NMBR: variants seen among roughly 807,000 people sequenced by gnomAD.
NMBR encodes neuromedin-B receptor.
In NMBR, 16 loss-of-function variants were observed where a neutral mutation model predicts 20.5. The ratio of observed to expected loss-of-function variants is 0.78; its 90% CI spans 0.53 to 1.19. The LOEUF (loss-of-function observed/expected upper bound fraction) is 1.19. Among genes scored for constraint, NMBR ranks in the 50% most tolerant of loss-of-function variants. The probability of loss-of-function intolerance (pLI) is 0.00; values close to 1 mark genes in which losing one functional copy is unlikely to be tolerated. For synonymous variants in NMBR, 212 were observed against 196.6 expected, an observed-to-expected ratio of 1.08 and a Z score of -0.65; for missense variants, 582 against 499.1, an observed-to-expected ratio of 1.17 and a Z score of -1.58.
intron 1 of NMBR, among the ~76,000 whole-genome samples, chr6:142,142,624 C>T (rs989220248): frequency 6.6e-6 from 1 of 151,682 alleles, no homozygotes; most frequent in Non-Finnish European, 1.5e-5. Context: ...TTGTGTTTAA[C>T]GTTGAACTGG....
chr6:142,122,959 A>G (rs1188060873), intron 1 of NMBR, among the ~76,000 whole-genome samples: 1 of 151,984 alleles, frequency 6.6e-6, no homozygotes, highest in African/African-American at 2.4e-5. Flanking sequence ...TCTGTTCTGC[A>G]GCCAATGGGA....
rs554728562 is a variant in NMBR, at chr6:142,076,625, A to T, written c.772-576T>A. 1.5e-4 allele frequency among the ~76,000 whole-genome samples: 23 copies of T among 152,334 alleles called. No homozygotes were observed. The South Asian group carries it at 4.8e-3, about 32-fold the overall frequency. On this transcript the variant is annotated intron_variant, in intron 3 of 3. Coordinates refer to ENST00000258042, the MANE Select transcript of NMBR (RefSeq NM_002511.4). Reference sequence around the variant, plus strand: ...TATTGTCACATTCACAAATAAAAATAAATTTTCCTTCTCCATAAAATTTAC... The same window carrying T: ...TATTGTCACATTCACAAATAAAAATTAATTTTCCTTCTCCATAAAATTTAC...
intron 3 of NMBR, among the ~76,000 whole-genome samples, chr6:142,076,683 A>G (rs748052578): frequency 5.3e-5 from 8 of 152,196 alleles, no homozygotes; most frequent in African/African-American, 7.2e-5. Context: ...GAGGGTATTC[A>G]AGAGTGTAAT....
chr6:142,097,434 A>G (rs935208086), intron 1 of NMBR, among the ~76,000 whole-genome samples: 6 of 152,090 alleles, frequency 3.9e-5, no homozygotes, highest in Admixed American at 3.9e-4. Context: ...AAATATCATA[A>G]GTGGAAAATG....
In NMBR at chr6:142,075,819, A is replaced by G. The variant is rs201703637; in HGVS notation, c.1002T>C (p.His334=). The change falls in exon 4 of 4, where the codon CAT becomes CAC. Residue 334 remains histidine (H), a synonymous_variant. Coordinates refer to ENST00000258042, the MANE Select transcript of NMBR (RefSeq NM_002511.4). ...TCCCACAGCAGAGTTGGCTGTTGAA[A>G]TGCCTCCTGAAGCTTTCACTGAGTA... ...LYLLSESFRR[H]FNSQLCCGRK... is the part of the protein sequence containing the mutation. The G allele has an allele frequency of 8.7e-6, 14 of 1,614,106 alleles. No individual in the cohort carries two copies. Among genetic ancestry groups the G allele is most frequent in the Non-Finnish European group, 1.2e-5 (14 of 1,179,972 alleles).
intron 1 of NMBR, among the ~76,000 whole-genome samples, chr6:142,105,074 G>A (rs1301102021): frequency 1.3e-5 from 2 of 151,720 alleles, no homozygotes; most frequent in African/African-American, 4.8e-5. Flanking sequence ...CTCAAGGGTG[G>A]AGGGTGTACT....
chr6:142,123,582 C>A (rs897009190), intron 1 of NMBR, among the ~76,000 whole-genome samples: 2 of 151,898 alleles, frequency 1.3e-5, no homozygotes, highest in Non-Finnish European at 2.9e-5. Context: ...ACTTCATTGT[C>A]TTATACTAAG....
At chr6:142,146,537 CCAAA>C (rs1379564291) in intron 1 of NMBR, among the ~76,000 whole-genome samples, 1 of 151,870 alleles carries the variant, frequency 6.6e-6, no homozygotes, top group Non-Finnish European at 1.5e-5. Flanking sequence ...TGAAAACGTC[CCAAA>C]CACCCTATCT....
At chr6:142,099,269 A>C (rs185162494) in intron 1 of NMBR, among the ~76,000 whole-genome samples, 68 of 152,322 alleles carry the variant, frequency 4.5e-4, no homozygotes, top group African/African-American at 1.6e-3. Context: ...TCACACTGCT[A>C]TAAAGAACTA....
At chr6:142,118,849 T>C (rs942785590) in intron 1 of NMBR, among the ~76,000 whole-genome samples, 5 of 151,958 alleles carry the variant, frequency 3.3e-5, no homozygotes, top group Non-Finnish European at 7.4e-5. Flanking sequence ...ATTCTCTTAT[T>C]TGTGTGTGTC....
intron 3 of NMBR, among the ~76,000 whole-genome samples, chr6:142,077,498 C>T (rs1776973513): frequency 6.6e-6 from 1 of 152,196 alleles, no homozygotes; most frequent in African/African-American, 2.4e-5. Context: ...CATTGCCTCA[C>T]TGATGCCAAA....
chr6:142,143,307 C>T (rs889650328), intron 1 of NMBR, among the ~76,000 whole-genome samples: 3 of 152,060 alleles, frequency 2.0e-5, no homozygotes, highest in Middle Eastern at 3.2e-3. Context: ...TTTTTTGAGA[C>T]GGAGTCTCGC....
Position 142,075,615 on chromosome 6 carries a change from G to A in NMBR, c.*33C>T, listed in dbSNP as rs1019730532. 18 of 1,558,084 alleles carry A rather than the reference G, an allele frequency of 1.2e-5. No homozygotes were observed. The highest frequency in any genetic ancestry group is 1.4e-5 in the Non-Finnish European group (16 of 1,150,958). On this transcript the variant is annotated 3_prime_UTR_variant, in exon 4 of 4. Coordinates refer to ENST00000258042, the MANE Select transcript of NMBR (RefSeq NM_002511.4). ...GAATAGGAATTTTAACAGTTACTAA[G>A]TTCTCTCCAGGTAGTGAGTTGAATG...
intron 1 of NMBR, among the ~76,000 whole-genome samples, chr6:142,146,500 T>C (rs1033868463): frequency 2.6e-5 from 4 of 152,154 alleles, no homozygotes; most frequent in Admixed American, 6.5e-5. Flanking sequence ...TGATGCCTAC[T>C]GTACAATGGT....
intron 1 of NMBR, among the ~76,000 whole-genome samples, chr6:142,145,858 G>A (rs1778423624): frequency 6.6e-6 from 1 of 152,198 alleles, no homozygotes; most frequent in Non-Finnish European, 1.5e-5. Context: ...GAACAATTAA[G>A]TGAGAATGCC....
chr6:142,105,858 A>G (rs2114584957), intron 1 of NMBR, among the ~76,000 whole-genome samples: 1 of 152,324 alleles, frequency 6.6e-6, no homozygotes, highest in African/African-American at 2.4e-5. Context: ...TCTTCAAATT[A>G]GTGCTTATTA....
chr6:142,119,544 A>T (rs1213615517), intron 1 of NMBR, among the ~76,000 whole-genome samples: 1 of 151,886 alleles, frequency 6.6e-6, no homozygotes, highest in African/African-American at 2.4e-5. Context: ...CAAATTACCA[A>T]CTTCTCAATA....
intron 1 of NMBR, among the ~76,000 whole-genome samples, chr6:142,143,716 A>G (rs1191707369): frequency 6.6e-6 from 1 of 152,204 alleles, no homozygotes; most frequent in Non-Finnish European, 1.5e-5. Context: ...GAAATTGACA[A>G]GCTGTTTCTA....
chr6:142,085,384 C>T (rs141771421), intron 2 of NMBR, among the ~76,000 whole-genome samples: 24 of 152,186 alleles, frequency 1.6e-4, no homozygotes, highest in African/African-American at 5.5e-4. Flanking sequence ...ATTAGCCAGG[C>T]ATAGTGGCGT....
Sources: gnomAD v4.1 joint callset for allele counts (sites outside exome capture counted in the v4.1 genomes callset) on GRCh38, gnomAD v4.1.1 for gene constraint, MANE v1.5 for transcripts, NCBI Gene and HGNC (gene_info 2026-07-23, HGNC 2026-07-21) for gene names.